Variants in ENTHD1 observed in about 807,000 individuals in gnomAD.
ENTHD1 encodes ENTH domain containing 1, also known as ENTH domain-containing protein 1.
In ENTHD1, 23 loss-of-function variants were observed where a neutral mutation model predicts 39.1. The observed-to-expected ratio is 0.59, with a 90% CI of 0.42 to 0.83. ENTHD1 has a LOEUF of 0.83. Ranked by LOEUF, ENTHD1 falls within the 40% of genes least tolerant of loss-of-function variation. The probability of loss-of-function intolerance (pLI) is 0.00; values close to 1 mark genes in which losing one functional copy is unlikely to be tolerated. For missense variants in ENTHD1, 624 were observed against 705.4 expected (o/e 0.88, Z 1.31); for synonymous variants, 230 against 258.2 (o/e 0.89, Z 1.05).
chr22:39,855,807 A>G (rs1248862013), intron 3 of ENTHD1, among the ~76,000 whole-genome samples: 1 of 152,170 alleles, frequency 6.6e-6, no homozygotes, highest in Non-Finnish European at 1.5e-5. Context: ...AGAGAGCCAT[A>G]TCAGTCATAG....
At chr22:39,771,596 A>G (rs771488375) in intron 5 of ENTHD1, among the ~76,000 whole-genome samples, 3 of 152,216 alleles carry the variant, frequency 2.0e-5, no homozygotes, top group Non-Finnish European at 4.4e-5. Context: ...ACCCAGAGAA[A>G]GATGACCCAT....
chr22:39,763,486 C>A (rs541196736), intron 6 of ENTHD1, among the ~76,000 whole-genome samples: 1 of 152,134 alleles, frequency 6.6e-6, no homozygotes, highest in African/African-American at 2.4e-5. Flanking sequence ...AGTGAGACTG[C>A]GGAAAGCCTA....
intron 6 of ENTHD1, among the ~76,000 whole-genome samples, chr22:39,761,789 G>GT (rs1024432277): frequency 2.6e-5 from 4 of 151,760 alleles, no homozygotes; most frequent in Admixed American, 6.6e-5. Context: ...CCTTTTTACA[G>GT]TTTTTTGCCT....
intron 4 of ENTHD1, among the ~76,000 whole-genome samples, chr22:39,829,191 G>T (rs2146664477): frequency 6.6e-6 from 1 of 152,276 alleles, no homozygotes; most frequent in African/African-American, 2.4e-5. Flanking sequence ...AAAGATGCTT[G>T]TCAAGAGGAT....
At chr22:39,851,662 C>G (rs2066041152) in intron 3 of ENTHD1, among the ~76,000 whole-genome samples, 1 of 152,216 alleles carries the variant, frequency 6.6e-6, no homozygotes, top group Admixed American at 6.5e-5. Context: ...CTTCCCAATG[C>G]TCAAGACAGC....
At chr22:39,785,717 T>C (rs1044334954) in intron 5 of ENTHD1, among the ~76,000 whole-genome samples, 50 of 152,110 alleles carry the variant, frequency 3.3e-4, no homozygotes, top group African/African-American at 1.2e-3. Context: ...GTTCAACTTG[T>C]TCAACTTATT....
At chr22:39,871,181 AAATAAAT>A (rs1455852788) in intron 2 of ENTHD1, among the ~76,000 whole-genome samples, 1 of 134,250 alleles carries the variant, frequency 7.4e-6, no homozygotes, top group East Asian at 2.5e-4. Context: ...TAAAATAAAT[AAATAAAT>A]AAATAAATAA....
At chr22:39,842,837 C>T (rs1474113295) in intron 3 of ENTHD1, among the ~76,000 whole-genome samples, 2 of 148,526 alleles carry the variant, frequency 1.3e-5, no homozygotes, top group Admixed American at 6.7e-5. Context: ...GACATTTATG[C>T]AGCCAAAAAA....
chr22:39,802,161 C>T (rs1207273166), intron 5 of ENTHD1, among the ~76,000 whole-genome samples: 1 of 152,166 alleles, frequency 6.6e-6, no homozygotes, highest in Non-Finnish European at 1.5e-5. Flanking sequence ...GTGTGATACC[C>T]TTCTTCCCCA....
chr22:39,799,359 C>T (rs1214787003), intron 5 of ENTHD1, among the ~76,000 whole-genome samples: 1 of 152,208 alleles, frequency 6.6e-6, no homozygotes, highest in East Asian at 1.9e-4. Context: ...CCTCCATTCC[C>T]CTGGGCTGCA....
At position 39,752,692 on chromosome 22, in the gene ENTHD1, GT is replaced by G. The variant is rs201528040; in HGVS notation, c.1220-8410del. On this transcript the variant is annotated intron_variant, in intron 6 of 6. Coordinates refer to ENST00000325157, the MANE Select transcript of ENTHD1 (RefSeq NM_152512.4). Reference sequence around the variant, plus strand: ...ATTGGGAAAATTGGATTAAAGATGAGTTTTCTCACTTACCTATAAAGTATAA... The same window carrying G: ...ATTGGGAAAATTGGATTAAAGATGAGTTTCTCACTTACCTATAAAGTATAA... 4.1e-3 allele frequency among the ~76,000 whole-genome samples: 618 copies of G among 152,290 alleles called. 4 individuals carry two copies. Among genetic ancestry groups the G allele is most frequent in the Admixed American group, 5.2e-3 (80 of 15,298 alleles).
At chr22:39,825,143 A>T (rs535755771) in intron 4 of ENTHD1, among the ~76,000 whole-genome samples, 1 of 152,288 alleles carries the variant, frequency 6.6e-6, no homozygotes, top group African/African-American at 2.4e-5. Flanking sequence ...GTTTTGTTAA[A>T]TTTATACCTA....
intron 5 of ENTHD1, among the ~76,000 whole-genome samples, chr22:39,796,509 A>G (rs1199191662): frequency 6.6e-6 from 1 of 152,084 alleles, no homozygotes; most frequent in Non-Finnish European, 1.5e-5. Flanking sequence ...GGCTCAAGCA[A>G]TCCTCCTACT....
chr22:39,772,525 G>C (rs2065335186), intron 5 of ENTHD1, among the ~76,000 whole-genome samples: 1 of 152,046 alleles, frequency 6.6e-6, no homozygotes, highest in Non-Finnish European at 1.5e-5. Context: ...AAGTCTAATA[G>C]GTAAAGTGGA....
chr22:39,773,667 T>C (rs1321858197), intron 5 of ENTHD1, among the ~76,000 whole-genome samples: 1 of 152,188 alleles, frequency 6.6e-6, no homozygotes, highest in Non-Finnish European at 1.5e-5. Flanking sequence ...TATAATGCTT[T>C]AGGAAAATTA....
rs747223817 is a variant in ENTHD1 at position 39,743,763 on chromosome 22, C to T, written c.1740G>A (p.Leu580=). The change falls in exon 7 of 7, where the codon TTG becomes TTA. Residue 580 remains leucine, a synonymous_variant. Transcript: ENST00000325157. ...GTGAACTATTCAGACTCATGCTCATCAAGATGTTATTGATGACATTAAGTT... is the reference window on the plus strand; with the variant it reads ...GTGAACTATTCAGACTCATGCTCATTAAGATGTTATTGATGACATTAAGTT... ...IQELNVINNI[L]MSMSLNSSQI... 1.9e-6 allele frequency: 3 copies of T among 1,614,114 alleles called. No homozygotes were observed. The South Asian group carries it at 3.3e-5, about 18-fold the overall frequency.
chr22:39,868,722 C>T (rs2066211080), intron 2 of ENTHD1, among the ~76,000 whole-genome samples: 1 of 152,148 alleles, frequency 6.6e-6, no homozygotes, highest in Admixed American at 6.5e-5. Context: ...ATAAACTATG[C>T]ATCTGACAAA....
At chr22:39,889,290 G>A (rs2066407825) in intron 1 of ENTHD1, among the ~76,000 whole-genome samples, 1 of 152,136 alleles carries the variant, frequency 6.6e-6, no homozygotes. Flanking sequence ...CACACAGAGA[G>A]GCCCATATAC....
At chr22:39,813,046 G>A (rs1312608885) in intron 5 of ENTHD1, among the ~76,000 whole-genome samples, 2 of 152,202 alleles carry the variant, frequency 1.3e-5, no homozygotes, top group Non-Finnish European at 2.9e-5. Flanking sequence ...GCCTCCCAAA[G>A]TGCTGGGATT....
Sources: gnomAD v4.1 joint callset for allele counts (sites outside exome capture counted in the v4.1 genomes callset) on GRCh38, gnomAD v4.1.1 for gene constraint, MANE v1.5 for transcripts, NCBI Gene and HGNC (gene_info 2026-07-23, HGNC 2026-07-21) for gene names.